Variants in F11 observed in about 807,000 individuals in gnomAD.
The protein encoded by F11 is coagualtion factor XI.
In F11, 78 loss-of-function variants were observed where a neutral mutation model predicts 76.5. That is an observed-to-expected ratio of 1.02 (90% CI 0.85 to 1.23). F11 has a LOEUF of 1.23. Ranked by LOEUF, F11 falls within the 50% of genes most tolerant of loss-of-function variation. The pLI is 0.00. For synonymous variants in F11, 278 were observed against 276.3 expected, an observed-to-expected ratio of 1.01 and a Z score of -0.06; for missense variants, 742 against 771.4, an observed-to-expected ratio of 0.96 and a Z score of 0.45.
intron 13 of F11, among the ~76,000 whole-genome samples, chr4:186,287,250 A>G (rs1457295551): frequency 6.6e-6 from 1 of 151,878 alleles, no homozygotes; most frequent in Non-Finnish European, 1.5e-5. Flanking sequence ...CTGGAATTAC[A>G]GGCGTGAGCC....
At chr4:186,275,193 AAAGT>A (rs1466088817) in intron 5 of F11, 2 of 456,920 alleles carry the variant, frequency 4.4e-6, no homozygotes, top group African/African-American at 2.0e-5. Flanking sequence ...TAAGTCATTA[AAAGT>A]AAGAAGGACT....
chr4:186,287,903 T>G (rs1741331409), intron 14 of F11, 80 bp downstream of exon 14: 1 of 1,548,352 alleles, frequency 6.5e-7, no homozygotes, highest in African/African-American at 1.4e-5. Flanking sequence ...TTGTTTTGTT[T>G]TTTTTGTTTG....
chr4:186,267,379 G>A (rs1035523061), intron 2 of F11, among the ~76,000 whole-genome samples, 188 bp downstream of exon 2: 1 of 152,156 alleles, frequency 6.6e-6, no homozygotes, highest in Non-Finnish European at 1.5e-5. Flanking sequence ...GTTTGTACTG[G>A]TAGGAATCTG....
intron 4 of F11, among the ~76,000 whole-genome samples, chr4:186,273,803 C>T (rs1045240538): frequency 1.3e-5 from 2 of 152,130 alleles, no homozygotes; most frequent in African/African-American, 4.8e-5. Context: ...GTTGAAGTGA[C>T]ACTTGTCTTA....
intron 1 of F11, 99 bp from the exon 2 acceptor site, chr4:186,267,037 C>T (rs1739557699): frequency 3.8e-6 from 3 of 783,612 alleles, no homozygotes; most frequent in South Asian, 2.8e-5. Flanking sequence ...GAATTAACTA[C>T]TCCCCTCTCT....
At chr4:186,268,587 G>A (rs1435108065) in intron 2 of F11, among the ~76,000 whole-genome samples, 7 of 151,474 alleles carry the variant, frequency 4.6e-5, no homozygotes, top group Admixed American at 1.3e-4. Flanking sequence ...ATCTGCAAAC[G>A]TTTGAAAATT....
intron 2 of F11, among the ~76,000 whole-genome samples, chr4:186,269,727 C>T (rs989834401): frequency 6.6e-6 from 1 of 152,156 alleles, no homozygotes; most frequent in Non-Finnish European, 1.5e-5. Flanking sequence ...CAGAACTGTA[C>T]ACTCAAGATG....
rs1721432103 is a variant in F11, at chr4:186,288,702, C to T, written c.*88C>T. The T allele has an allele frequency of 7.1e-7, 1 of 1,404,042 alleles. No homozygotes were observed. The highest frequency in any genetic ancestry group is 9.9e-7 in the Non-Finnish European group (1 of 1,010,892). 87.0% of individuals were successfully genotyped at this position (1,404,042 alleles called of 1,614,324 possible). ...AGTTCACTGTGCCAGCATGCTTCCT[C>T]CACAGTAACACGCTGAAGGGGCTTG... On this transcript the variant is annotated 3_prime_UTR_variant, in exon 15 of 15. Coordinates refer to ENST00000403665, the MANE Select transcript of F11 (RefSeq NM_000128.4).
chr4:186,282,139 T>C (rs1169825917), intron 10 of F11: 1 of 1,144,064 alleles, frequency 8.7e-7, no homozygotes, highest in Non-Finnish European at 1.1e-6. Flanking sequence ...TAAGTAATGT[T>C]GACATGGTTT....
At chr4:186,276,163 A>G in intron 6 of F11, 68 bp from the exon 7 acceptor site, 2 of 1,586,376 alleles carry the variant, frequency 1.3e-6, no homozygotes, top group Admixed American at 3.4e-5. Flanking sequence ...GAATTTACAC[A>G]TACTGTGACC....
intron 12 of F11, 95 bp from the exon 13 acceptor site, chr4:186,286,320 G>A: frequency 8.4e-7 from 1 of 1,195,984 alleles, no homozygotes; most frequent in Non-Finnish European, 1.2e-6. Flanking sequence ...AGTAAACAAA[G>A]AAAACACAGA....
rs1296435641 is a variant in F11, at chr4:186,280,287, T to C, written c.930T>C (p.Ala310=). Residue 310 remains alanine, a synonymous_variant, in exon 9 of 15, where the codon GCT becomes GCC. Coordinates refer to ENST00000403665, the MANE Select transcript of F11 (RefSeq NM_000128.4). ...TGGGAGAAGAACTGGATATTGTTGC[T>C]GCAAAAAGTCACGAGGCCTGCCAGA... ...DFLGEELDIV[A]AKSHEACQKL... 6.2e-7 allele frequency: 1 copy of C among 1,614,196 alleles called. No homozygotes were observed. Among genetic ancestry groups the C allele is most frequent in the East Asian group, 2.2e-5 (1 of 44,886 alleles).
intron 7 of F11, among the ~76,000 whole-genome samples, chr4:186,278,345 C>T (rs372550120): frequency 7.9e-5 from 12 of 152,170 alleles, no homozygotes; most frequent in East Asian, 7.7e-4. Flanking sequence ...TCAGAAGCAC[C>T]GGGTCTGTCA....
Position 186,286,434 on chromosome 4 carries a change from C to G in F11, c.1500C>G (p.Cys500Trp), listed in dbSNP as rs761254473. 1 of 1,613,920 alleles carries G rather than the reference C, an allele frequency of 6.2e-7. No individual in the cohort carries two copies. The highest frequency in any genetic ancestry group is 2.2e-5 in the East Asian group (1 of 44,862). The change falls in exon 13 of 15, where the codon TGC (cysteine) becomes TGG (tryptophan). Residue 500 changes from cysteine to tryptophan, a missense_variant. Physicochemically the swap from Cys to Trp is radical, Grantham distance 215. Coordinates refer to ENST00000403665, the MANE Select transcript of F11 (RefSeq NM_000128.4). Reference protein sequence around the residue: ...VNYTDSQRPICLPSKGDRNVI... With the variant: ...VNYTDSQRPIWLPSKGDRNVI... ...ATTTAGATTCTCAACGACCCATATG[C>G]CTGCCTTCCAAAGGAGATAGAAATG...
At chr4:186,275,257 G>C (rs553560155) in intron 5 of F11, 1 of 449,108 alleles carries the variant, frequency 2.2e-6, no homozygotes, top group Non-Finnish European at 4.5e-6. Context: ...TTGGGAGGCC[G>C]AGGCGGGCAG....
chr4:186,278,909 A>G (rs1455292994), intron 7 of F11, among the ~76,000 whole-genome samples: 1 of 152,212 alleles, frequency 6.6e-6, no homozygotes, highest in Non-Finnish European at 1.5e-5. Flanking sequence ...AAGTTTAGAA[A>G]TAAGAAAGAT....
rs767768269 is a variant in F11 at position 186,284,166 on chromosome 4, A to G, written c.1210A>G (p.Thr404Ala). The G allele has an allele frequency of 3.1e-6, 5 of 1,614,070 alleles. No individual in the cohort carries two copies. Among genetic ancestry groups the G allele is most frequent in the Admixed American group, 1.7e-5 (1 of 60,006 alleles). The change falls in exon 11 of 15, where the codon ACC (threonine) becomes GCC (alanine). Residue 404 changes from threonine (T) to alanine (A), a missense_variant. Coordinates refer to ENST00000403665, the MANE Select transcript of F11 (RefSeq NM_000128.4). ...TCGTGGTGAGTGGCCGTGGCAGGTG[A>G]CCCTGCACACAACCTCACCCACTCA... ...SVRGEWPWQV[T>A]LHTTSPTQRH...
At chr4:186,286,681 T>C (rs571930377) in intron 13 of F11, 171 bp downstream of exon 13, 5 of 985,414 alleles carry the variant, frequency 5.1e-6, no homozygotes, top group Admixed American at 6.1e-5. Context: ...TGGTGCCTCA[T>C]ATGTTTGATT....
At chr4:186,273,961 C>G (rs1740173768) in intron 4 of F11, among the ~76,000 whole-genome samples, 155 bp from the exon 5 acceptor site, 1 of 152,118 alleles carries the variant, frequency 6.6e-6, no homozygotes, top group Non-Finnish European at 1.5e-5. Flanking sequence ...TTTACTGCTT[C>G]CATTCAAGAA....
Sources: allele counts gnomAD v4.1 joint callset (sites outside exome capture counted in the v4.1 genomes callset), GRCh38; gene constraint gnomAD v4.1.1; transcripts MANE v1.5; gene names NCBI Gene and HGNC (gene_info 2026-07-23, HGNC 2026-07-21).